Variants in LRRTM4 observed in about 807,000 individuals in gnomAD.
The protein encoded by LRRTM4 is leucine-rich repeat transmembrane neuronal protein 4.
Under a neutral mutation model 47.6 loss-of-function variants are expected in LRRTM4, and 25 were observed. The ratio of observed to expected loss-of-function variants is 0.53; its 90% CI spans 0.38 to 0.73. The LOEUF (loss-of-function observed/expected upper bound fraction) is 0.73. Ranked by LOEUF, LRRTM4 falls within the 30% of genes least tolerant of loss-of-function variation. The probability of loss-of-function intolerance (pLI) is 0.00; values close to 1 mark genes in which losing one functional copy is unlikely to be tolerated. For synonymous variants in LRRTM4, 311 were observed against 269.5 expected, an observed-to-expected ratio of 1.15 and a Z score of -1.51; for missense variants, 638 against 713.4, an observed-to-expected ratio of 0.89 and a Z score of 1.20.
intron 3 of LRRTM4, among the ~76,000 whole-genome samples, chr2:77,115,887 A>G (rs1262004394): frequency 6.6e-6 from 1 of 152,010 alleles, no homozygotes; most frequent in Non-Finnish European, 1.5e-5. Context: ...CTATGTAACA[A>G]TCATCTGTTT....
chr2:77,395,865 G>T lies in LRRTM4; in HGVS notation c.1551+122453C>A, dbSNP rs372215632. ...TAATATTCATTTCAGTATTACATCA[G>T]CTACTCTCCTTTGATTTTCATTCTT... On this transcript the variant is annotated intron_variant, in intron 3 of 3. Transcript: ENST00000409884. Among the ~76,000 whole-genome samples the T allele has an allele frequency of 6.6e-5, 10 of 151,952 alleles. 1 individual carries two copies. In the South Asian group the frequency reaches 2.1e-3, roughly 32 times the overall value.
At chr2:77,169,282 T>C (rs755597689) in intron 3 of LRRTM4, among the ~76,000 whole-genome samples, 4 of 152,130 alleles carry the variant, frequency 2.6e-5, no homozygotes, top group Non-Finnish European at 4.4e-5. Context: ...GGAAGTCAAA[T>C]TGTCAGTTTT....
chr2:77,308,950 A>C (rs987118345), intron 3 of LRRTM4, among the ~76,000 whole-genome samples: 2 of 152,218 alleles, frequency 1.3e-5, no homozygotes, highest in Non-Finnish European at 2.9e-5. Flanking sequence ...CCATAAACTC[A>C]GTATCACAAA....
chr2:77,042,024 C>G (rs1235167412), intron 3 of LRRTM4, among the ~76,000 whole-genome samples: 1 of 151,018 alleles, frequency 6.6e-6, no homozygotes, highest in African/African-American at 2.4e-5. Flanking sequence ...ACATAACAAC[C>G]GAATGCAATG....
intron 3 of LRRTM4, among the ~76,000 whole-genome samples, chr2:76,783,849 C>T (rs1012993809): frequency 2.6e-5 from 4 of 152,060 alleles, no homozygotes; most frequent in African/African-American, 9.7e-5. Context: ...GTTAATTCTG[C>T]ACATTTCAGA....
chr2:77,512,663 T>G (rs1430352746), intron 3 of LRRTM4, among the ~76,000 whole-genome samples: 2 of 152,042 alleles, frequency 1.3e-5, no homozygotes, highest in African/African-American at 4.8e-5. Context: ...ACTGAGCAAC[T>G]CCTAAAGCAT....
intron 3 of LRRTM4, among the ~76,000 whole-genome samples, chr2:77,140,302 G>A (rs534531868): frequency 9.9e-5 from 15 of 152,258 alleles, no homozygotes; most frequent in African/African-American, 3.6e-4. Context: ...ACAGAACAGA[G>A]CCTTCAGAAA....
chr2:77,073,570 C>T (rs948206400), intron 3 of LRRTM4, among the ~76,000 whole-genome samples: 2 of 151,984 alleles, frequency 1.3e-5, no homozygotes, highest in African/African-American at 4.8e-5. Flanking sequence ...AAGGATGAAT[C>T]TTAGAGAATG....
intron 3 of LRRTM4, among the ~76,000 whole-genome samples, chr2:76,753,077 A>G (rs916910137): frequency 6.6e-5 from 10 of 152,222 alleles, no homozygotes; most frequent in Non-Finnish European, 1.5e-5. Flanking sequence ...TCTGAAGTAT[A>G]TGAGCACTTT....
intron 3 of LRRTM4, among the ~76,000 whole-genome samples, chr2:77,421,899 G>T (rs564131540): frequency 3.3e-4 from 51 of 152,274 alleles, no homozygotes; most frequent in African/African-American, 1.2e-3. Flanking sequence ...AACAACAGTG[G>T]TCTTATAAGC....
chr2:77,412,513 G>A (rs1276273312), intron 3 of LRRTM4, among the ~76,000 whole-genome samples: 4 of 152,132 alleles, frequency 2.6e-5, no homozygotes, highest in Non-Finnish European at 5.9e-5. Context: ...AATTCAAACA[G>A]CCTAAATGTG....
chr2:77,287,405 T>C (rs1290268169), intron 3 of LRRTM4, among the ~76,000 whole-genome samples: 1 of 151,632 alleles, frequency 6.6e-6, no homozygotes, highest in Non-Finnish European at 1.5e-5. Flanking sequence ...ATATATATTA[T>C]ATATCTATCA....
At chr2:77,501,045 G>T (rs537133608) in intron 3 of LRRTM4, among the ~76,000 whole-genome samples, 1 of 151,060 alleles carries the variant, frequency 6.6e-6, no homozygotes, top group Non-Finnish European at 1.5e-5. Context: ...TTTATTTCTA[G>T]AATATGGTTC....
intron 3 of LRRTM4, among the ~76,000 whole-genome samples, chr2:76,807,817 G>A (rs1314804974): frequency 2.0e-5 from 3 of 151,692 alleles, no homozygotes; most frequent in African/African-American, 7.3e-5. Flanking sequence ...TCCTGACCTC[G>A]TGATCCGCCT....
intron 3 of LRRTM4, among the ~76,000 whole-genome samples, chr2:77,331,557 G>A (rs556380929): frequency 4.1e-4 from 62 of 152,282 alleles, no homozygotes; most frequent in Middle Eastern, 3.4e-3. Context: ...CATAGCTTAT[G>A]AACATATCTA....
intron 3 of LRRTM4, among the ~76,000 whole-genome samples, chr2:77,158,872 TTTATAA>T (rs1228716884): frequency 6.6e-6 from 1 of 151,924 alleles, no homozygotes; most frequent in Non-Finnish European, 1.5e-5. Flanking sequence ...GGTATTTAAC[TTTATAA>T]TTAATTACAT....
chr2:77,251,768 T>C (rs1675624302), intron 3 of LRRTM4, among the ~76,000 whole-genome samples: 1 of 152,158 alleles, frequency 6.6e-6, no homozygotes, highest in Non-Finnish European at 1.5e-5. Flanking sequence ...CTGTGACTGC[T>C]AATGGCTGCA....
intron 3 of LRRTM4, among the ~76,000 whole-genome samples, chr2:77,294,846 T>C: frequency 6.6e-6 from 1 of 152,162 alleles, no homozygotes. Context: ...TCAGTTGCAA[T>C]GGGTAATGTA....
At chr2:76,833,789 T>G (rs1188538774) in intron 3 of LRRTM4, among the ~76,000 whole-genome samples, 1 of 150,416 alleles carries the variant, frequency 6.6e-6, no homozygotes. Context: ...TTAAAATATT[T>G]TTTCTTAGAG....
Sources: gnomAD v4.1 joint callset for allele counts (sites outside exome capture counted in the v4.1 genomes callset) on GRCh38, gnomAD v4.1.1 for gene constraint, MANE v1.5 for transcripts, NCBI Gene and HGNC (gene_info 2026-07-23, HGNC 2026-07-21) for gene names.